The following KANK1 variants were observed in gnomAD, a reference collection of about 807,000 sequenced individuals.
The protein encoded by KANK1 is KN motif and ankyrin repeat domain-containing protein 1.
In KANK1, 109 loss-of-function variants were observed where a neutral mutation model predicts 106.2. That is an observed-to-expected ratio of 1.03 (90% CI 0.88 to 1.20). The LOEUF (loss-of-function observed/expected upper bound fraction) is 1.20. Among genes scored for constraint, KANK1 ranks in the 50% most tolerant of loss-of-function variants. The pLI is 0.00. For missense variants in KANK1, 2,399 were observed against 1,710.7 expected (o/e 1.40, Z -7.10); for synonymous variants, 873 against 652.2 (o/e 1.34, Z -5.16).
chr9:712,417 T>C lies in KANK1; in HGVS notation c.1651T>C (p.Cys551Arg). The C allele has an allele frequency of 6.2e-7, 1 of 1,614,194 alleles. No homozygotes were observed. The highest frequency in any genetic ancestry group is 1.1e-5 in the South Asian group (1 of 91,078). Residue 551 changes from cysteine to arginine, a missense_variant, in exon 3 of 12, where the codon TGC becomes CGC. Transcript: ENST00000382297. ...SVETNSVGIS[C>R]QPECKNKVVG... is the part of the protein sequence containing the mutation. ...GGAAACAAACAGTGTAGGCATCTCC[T>C]GCCAGCCTGAATGTAAGAATAAAGT...
intron 1 of KANK1, among the ~76,000 whole-genome samples, chr9:615,072 T>G (rs1334436344): frequency 6.6e-6 from 1 of 151,836 alleles, no homozygotes; most frequent in Non-Finnish European, 1.5e-5. Context: ...TCCGAGTAGC[T>G]GGTACCAAAG....
Position 698,991 on chromosome 9 carries a change from C to A in KANK1, c.38-11813C>A, listed in dbSNP as rs562935448. Among the ~76,000 whole-genome samples, 3 of 152,306 alleles carry A rather than the reference C, an allele frequency of 2.0e-5. No homozygotes were observed. In the East Asian group the frequency reaches 5.8e-4, roughly 29 times the overall value. Reference sequence around the variant, plus strand: ...AATTAGGGCTCTGTCTGTCCCCTTTCTGCCTCACTGCAGTCTTTGCAAAGT... The same window carrying A: ...AATTAGGGCTCTGTCTGTCCCCTTTATGCCTCACTGCAGTCTTTGCAAAGT... On this transcript the variant is annotated intron_variant, in intron 2 of 11. Coordinates refer to ENST00000382297, the MANE Select transcript of KANK1 (RefSeq NM_015158.5).
At chr9:648,234 C>A (rs1840135780) in intron 1 of KANK1, among the ~76,000 whole-genome samples, 1 of 151,666 alleles carries the variant, frequency 6.6e-6, no homozygotes, top group African/African-American at 2.4e-5. Flanking sequence ...AATCTCTTGA[C>A]CCTGTGATCC....
At chr9:625,177 G>C (rs1834060053) in intron 1 of KANK1, among the ~76,000 whole-genome samples, 1 of 152,174 alleles carries the variant, frequency 6.6e-6, no homozygotes, top group Admixed American at 6.5e-5. Context: ...CTAAGAGCCA[G>C]ATTTCCTCAT....
At chr9:736,607 G>A (rs1410854201) in intron 7 of KANK1, among the ~76,000 whole-genome samples, 2 of 151,858 alleles carry the variant, frequency 1.3e-5, no homozygotes, top group African/African-American at 4.8e-5. Flanking sequence ...GCTGAGGCAA[G>A]AAGATAGCTG....
intron 1 of KANK1, among the ~76,000 whole-genome samples, chr9:607,679 C>T (rs1829570270): frequency 1.3e-5 from 2 of 151,652 alleles, no homozygotes; most frequent in Non-Finnish European, 2.9e-5. Context: ...CCCAGCCCAG[C>T]AGCAGAGTGC....
At chr9:734,888 G>A in intron 7 of KANK1, 53 bp downstream of exon 7, 2 of 1,348,438 alleles carry the variant, frequency 1.5e-6, no homozygotes, top group East Asian at 2.3e-5. Flanking sequence ...GCATGAGTGG[G>A]TTCATTGTCA....
intron 1 of KANK1, among the ~76,000 whole-genome samples, chr9:626,459 A>G (rs903132756): frequency 1.3e-5 from 2 of 152,206 alleles, no homozygotes; most frequent in Admixed American, 6.5e-5. Context: ...CTGTGCCAAT[A>G]AAATTATACT....
At chr9:676,404 C>T (rs965963664) in intron 1 of KANK1, among the ~76,000 whole-genome samples, 2 of 152,016 alleles carry the variant, frequency 1.3e-5, no homozygotes, top group African/African-American at 2.4e-5. Context: ...AAGAAAGAGG[C>T]GTTGGTAGAA....
In KANK1 at chr9:730,079, T is replaced by G; in HGVS notation, c.2727T>G (p.Cys909Trp). The change falls in exon 4 of 12, where the codon TGT becomes TGG. Residue 909 changes from cysteine (C) to tryptophan (W), a missense_variant. Cys to Trp is a radical substitution (Grantham distance 215). Coordinates refer to ENST00000382297, the MANE Select transcript of KANK1 (RefSeq NM_015158.5). The stretch of plus-strand genomic sequence containing the variant: ...ATTATTTGGGATATACCTGTAAGTG[T>G]GGGGGCCTTCAGTCAGGAAGTCCCT... ...TGNYLGYTCK[C>W]GGLQSGSPLS... The G allele has an allele frequency of 1.9e-6, 3 of 1,614,170 alleles. No homozygotes were observed. The highest frequency in any genetic ancestry group is 1.7e-6 in the Non-Finnish European group (2 of 1,180,010).
intron 1 of KANK1, among the ~76,000 whole-genome samples, chr9:513,894 G>A (rs1276773583): frequency 1.3e-5 from 2 of 152,136 alleles, no homozygotes; most frequent in Non-Finnish European, 2.9e-5. Flanking sequence ...GTGCACACCT[G>A]TAGTCCCAGC....
chr9:649,705 C>T (rs1840458472), intron 1 of KANK1, among the ~76,000 whole-genome samples: 1 of 152,162 alleles, frequency 6.6e-6, no homozygotes, highest in African/African-American at 2.4e-5. Context: ...TTCTTAAAGG[C>T]CCATCAAGGT....
Position 636,829 on chromosome 9 carries a change from G to C in KANK1, c.-83-40061G>C, listed in dbSNP as rs115210516. Among the ~76,000 whole-genome samples the C allele has an allele frequency of 6.6e-3, 1,003 of 152,250 alleles. 12 individuals are homozygous for C. Among genetic ancestry groups the C allele is most frequent in the African/African-American group, 0.022 (904 of 41,542 alleles). On this transcript the variant is annotated intron_variant, in intron 1 of 11. Transcript: ENST00000382297. ...TTGCAGTGAGCCGAGATTGCCATTG[G>C]ACTCCAGCCAGGCGACAGCGCGAGA...
intron 1 of KANK1, among the ~76,000 whole-genome samples, chr9:653,985 G>C (rs1841510266): frequency 6.6e-6 from 1 of 152,172 alleles, no homozygotes; most frequent in Admixed American, 6.5e-5. Context: ...GATACTTCCT[G>C]GTTACAGCCA....
At chr9:544,451 T>G (rs901357728) in intron 1 of KANK1, among the ~76,000 whole-genome samples, 2 of 152,180 alleles carry the variant, frequency 1.3e-5, no homozygotes, top group African/African-American at 4.8e-5. Flanking sequence ...GTACTTCTTA[T>G]CTTCACTATT....
intron 1 of KANK1, among the ~76,000 whole-genome samples, chr9:529,725 T>C (rs1375847948): frequency 6.6e-6 from 1 of 152,234 alleles, no homozygotes; most frequent in Admixed American, 6.5e-5. Context: ...ATTGATTTGC[T>C]ACATCCAACA....
Position 713,445 on chromosome 9 carries a change from C to A in KANK1, c.2679C>A (p.Thr893=). Residue 893 remains threonine (T), a synonymous_variant, in exon 3 of 12, where the codon ACC becomes ACA. Coordinates refer to ENST00000382297, the MANE Select transcript of KANK1 (RefSeq NM_015158.5). ...EELRNPDFQK[T]SLGKITGNYL... ...TGAGGAACCCTGACTTCCAGAAAAC[C>A]AGTCTGGGTAAAATCACAGGTAGGT... is the stretch of plus-strand genomic sequence containing the variant. 6.3e-7 allele frequency: 1 copy of A among 1,595,212 alleles called. No homozygotes were observed. The highest frequency in any genetic ancestry group is 1.8e-5 in the Admixed American group (1 of 56,984).
Position 639,369 on chromosome 9 carries a change from G to A in KANK1, c.-83-37521G>A, listed in dbSNP as rs568428988. 4.5e-4 allele frequency among the ~76,000 whole-genome samples: 68 copies of A among 151,718 alleles called. 1 individual carries two copies. Among genetic ancestry groups the A allele is most frequent in the African/African-American group, 1.3e-3 (55 of 41,368 alleles). On this transcript the variant is annotated intron_variant, in intron 1 of 11. Coordinates refer to ENST00000382297, the MANE Select transcript of KANK1 (RefSeq NM_015158.5). ...GAGACAGAGACTCACTCTATCACCC[G>A]GGCTAGAGTGCAGTGGCACGATCTG... is the stretch of plus-strand genomic sequence containing the variant.
At chr9:566,420 T>C (rs180748412) in intron 1 of KANK1, among the ~76,000 whole-genome samples, 29 of 152,368 alleles carry the variant, frequency 1.9e-4, no homozygotes, top group Admixed American at 1.7e-3. Context: ...TTTAGAACTT[T>C]GAAGACTCAT....
Sources: allele counts gnomAD v4.1 joint callset (sites outside exome capture counted in the v4.1 genomes callset), GRCh38; gene constraint gnomAD v4.1.1; transcripts MANE v1.5; gene names NCBI Gene and HGNC (gene_info 2026-07-23, HGNC 2026-07-21).